Variants in DLEC1 observed in about 807,000 individuals in gnomAD.
DLEC1 encodes the protein deleted in lung and esophageal cancer protein 1.
In DLEC1, 146 loss-of-function variants were observed where a neutral mutation model predicts 198.1. The ratio of observed to expected loss-of-function variants is 0.74; its 90% CI spans 0.64 to 0.85. DLEC1 has a LOEUF of 0.85. Ranked by LOEUF, DLEC1 falls within the 40% of genes least tolerant of loss-of-function variation. DLEC1 has a pLI of 0.00. For missense variants in DLEC1, 2,233 were observed against 2,220.0 expected (o/e 1.01, Z -0.12); for synonymous variants, 897 against 866.8 (o/e 1.03, Z -0.61).
At chr3:38,118,869 C>T (rs978229718) in intron 33 of DLEC1, among the ~76,000 whole-genome samples, 3 of 152,156 alleles carry the variant, frequency 2.0e-5, no homozygotes, top group Admixed American at 6.5e-5. Context: ...CCAATGTATA[C>T]TCCACTGTGT....
intron 6 of DLEC1, among the ~76,000 whole-genome samples, chr3:38,077,035 G>A (rs901719754): frequency 6.6e-6 from 1 of 152,092 alleles, no homozygotes; most frequent in African/African-American, 2.4e-5. Flanking sequence ...AATAAGAGAA[G>A]GAGAAAAACA....
chr3:38,079,079 C>T (rs1366240616), intron 6 of DLEC1, among the ~76,000 whole-genome samples: 25 of 152,020 alleles, frequency 1.6e-4, no homozygotes, highest in Admixed American at 7.9e-4. Context: ...GGTGCATGAT[C>T]GGTCGCCAAG....
intron 6 of DLEC1, among the ~76,000 whole-genome samples, chr3:38,077,291 A>T (rs931912420): frequency 1.3e-5 from 2 of 152,232 alleles, no homozygotes; most frequent in Admixed American, 6.5e-5. Context: ...GACTAGACAG[A>T]AAATAGTAGG....
At chr3:38,056,175 A>C (rs1696362701) in intron 2 of DLEC1, among the ~76,000 whole-genome samples, 1 of 151,092 alleles carries the variant, frequency 6.6e-6, no homozygotes, top group Non-Finnish European at 1.5e-5. Flanking sequence ...AGATGGGAGG[A>C]TCACCTGAGC....
chr3:38,079,325 G>A (rs531242173), intron 6 of DLEC1, among the ~76,000 whole-genome samples: 15 of 152,264 alleles, frequency 9.9e-5, no homozygotes, highest in East Asian at 5.8e-4. Flanking sequence ...ACCAGAGTTG[G>A]GGAGTTTTAA....
chr3:38,086,499 T>A, intron 9 of DLEC1, 122 bp downstream of exon 9: 3 of 1,322,978 alleles, frequency 2.3e-6, no homozygotes, highest in Non-Finnish European at 3.1e-6. Flanking sequence ...TGTTGTAAAC[T>A]CTCTATGCAA....
At chr3:38,055,594 A>G (rs557425285) in intron 2 of DLEC1, among the ~76,000 whole-genome samples, 3 of 152,220 alleles carry the variant, frequency 2.0e-5, no homozygotes, top group East Asian at 1.9e-4. Context: ...AACTCAGGAG[A>G]GTGAGACTCA....
chr3:38,093,565 T>A, intron 11 of DLEC1, 40 bp from the exon 12 acceptor site: 1 of 1,612,712 alleles, frequency 6.2e-7, no homozygotes, highest in Non-Finnish European at 8.5e-7. Flanking sequence ...ATTTCAGCCC[T>A]AGTGAGCCTT....
rs777349201 is a variant in DLEC1 at position 38,084,222 on chromosome 3, C to A, written c.1238C>A (p.Thr413Lys). 6.2e-7 allele frequency: 1 copy of A among 1,612,506 alleles called. No individual in the cohort carries two copies. Among genetic ancestry groups the A allele is most frequent in the Non-Finnish European group, 8.5e-7 (1 of 1,179,166 alleles). The change falls in exon 7 of 37, where the codon ACG (threonine) becomes AAG (lysine). Residue 413 changes from threonine to lysine, a missense_variant. Physicochemically the swap from Thr to Lys is moderately conservative, Grantham distance 78 (BLOSUM62 -1). Transcript: ENST00000308059. ...TACCTGCGAGTCCTCCCGCCTTCCA[C>A]GCCATACTTCGCTCTGGGACTGGGT... ...SRYLRVLPPS[T>K]PYFALGLGMF...
At chr3:38,084,648 G>A (rs1300577839) in intron 7 of DLEC1, among the ~76,000 whole-genome samples, 2 of 136,782 alleles carry the variant, frequency 1.5e-5, no homozygotes, top group African/African-American at 5.4e-5. Flanking sequence ...TTGCCTCAAA[G>A]TCACTTGCTG....
chr3:38,053,750 GA>G (rs1391503904), intron 2 of DLEC1, among the ~76,000 whole-genome samples: 2 of 152,252 alleles, frequency 1.3e-5, no homozygotes, highest in African/African-American at 4.8e-5. Context: ...TTGTTGAATG[GA>G]AAAGGGGGAA....
chr3:38,095,028 C>G lies in DLEC1; in HGVS notation c.2069C>G (p.Pro690Arg), dbSNP rs1026959382. The change falls in exon 13 of 37, where the codon CCC (proline) becomes CGC (arginine). Residue 690 changes from proline (P) to arginine (R), a missense_variant. Physicochemically the swap from Pro to Arg is moderately radical, Grantham distance 103. Transcript: ENST00000308059. Reference protein sequence around the residue: ...SIMPRKGVLSPHTDHEFILSF... With the variant: ...SIMPRKGVLSRHTDHEFILSF... ...ATGCCCAGAAAGGGGGTTCTAAGCC[C>G]CCACACAGACCACGAGTTCATCCTG... is the stretch of plus-strand genomic sequence containing the variant. 3.7e-6 allele frequency: 6 copies of G among 1,614,094 alleles called. No homozygotes were observed. The African/African-American group carries it at 4.0e-5, about 11-fold the overall frequency.
intron 19 of DLEC1, among the ~76,000 whole-genome samples, chr3:38,101,783 A>G (rs1699319857): frequency 6.6e-6 from 1 of 152,168 alleles, no homozygotes; most frequent in Admixed American, 6.5e-5. Flanking sequence ...AGGTCTAGGT[A>G]TGAGTCTTTG....
intron 7 of DLEC1, 105 bp downstream of exon 7, chr3:38,084,350 AGTGGTG>A (rs1339502734): frequency 1.9e-5 from 19 of 993,066 alleles, no homozygotes; most frequent in Non-Finnish European, 2.8e-5. Flanking sequence ...TGATAGTAGT[AGTGGTG>A]GTGGTAGTAG....
At chr3:38,114,568 C>G in intron 26 of DLEC1, 108 bp downstream of exon 26, 1 of 1,093,338 alleles carries the variant, frequency 9.1e-7, no homozygotes, top group Non-Finnish European at 1.4e-6. Context: ...TGGCCTAGGG[C>G]CATTGGTGCC....
At chr3:38,106,678 C>G (rs192322245) in intron 19 of DLEC1, among the ~76,000 whole-genome samples, 55 of 151,196 alleles carry the variant, frequency 3.6e-4, no homozygotes, top group Middle Eastern at 6.8e-3. Context: ...ATTTCTTGAA[C>G]CCAGGAGGCA....
chr3:38,048,833 A>C (rs1277139262), intron 2 of DLEC1, among the ~76,000 whole-genome samples: 1 of 151,916 alleles, frequency 6.6e-6, no homozygotes, highest in East Asian at 1.9e-4. Context: ...AAACAGTAAC[A>C]CTCAGGCACA....
rs1698935473 is a variant in DLEC1 at position 38,094,988 on chromosome 3, A to G, written c.2029A>G (p.Thr677Ala). Residue 677 changes from threonine (T) to alanine (A), a missense_variant, in exon 13 of 37, where the codon ACT becomes GCT. Physicochemically the swap from Thr to Ala is moderately conservative, Grantham distance 58. Transcript: ENST00000308059. ...DSIKCYPDKE[T>A]AFSIMPRKGV... ...CATCAAGTGCTACCCCGACAAGGAG[A>G]CTGCCTTCTCCATCATGCCCAGAAA... 1 of 1,614,194 alleles carries G rather than the reference A, an allele frequency of 6.2e-7. No homozygotes were observed. Among genetic ancestry groups the G allele is most frequent in the Non-Finnish European group, 8.5e-7 (1 of 1,180,024 alleles).
intron 1 of DLEC1, among the ~76,000 whole-genome samples, chr3:38,041,147 G>A (rs767131496): frequency 6.6e-6 from 1 of 151,938 alleles, no homozygotes; most frequent in Admixed American, 6.6e-5. Context: ...AGTAGCTGGC[G>A]CCTGCCACCA....
Sources: gnomAD v4.1 joint callset for allele counts (sites outside exome capture counted in the v4.1 genomes callset) on GRCh38, gnomAD v4.1.1 for gene constraint, MANE v1.5 for transcripts, NCBI Gene and HGNC (gene_info 2026-07-23, HGNC 2026-07-21) for gene names.